RBM33: variants seen among roughly 807,000 people sequenced by gnomAD.
RBM33 encodes RNA binding motif protein 33.
In RBM33, 28 loss-of-function variants were observed where a neutral mutation model predicts 132.6. The observed-to-expected ratio is 0.21, with a 90% CI of 0.16 to 0.29. The LOEUF is 0.29. RBM33 is among the 10% of genes least tolerant of loss of function. RBM33 has a pLI of 1.00. For synonymous variants in RBM33, 634 were observed against 593.0 expected (o/e 1.07, Z -1.01); for missense variants, 1,291 against 1,518.5 (o/e 0.85, Z 2.49).
At chr7:155,729,465 A>G (rs1037422799) in intron 9 of RBM33, among the ~76,000 whole-genome samples, 4 of 152,180 alleles carry the variant, frequency 2.6e-5, no homozygotes, top group African/African-American at 9.7e-5. Flanking sequence ...GGCCAGATGC[A>G]GTGACTCACA....
chr7:155,770,821 G>A (rs1802403398), intron 16 of RBM33, among the ~76,000 whole-genome samples: 1 of 152,204 alleles, frequency 6.6e-6, no homozygotes, highest in South Asian at 2.1e-4. Context: ...ATGGGGAAAA[G>A]AGGCGGGTTC....
At chr7:155,677,747 A>G (rs975500016) in intron 3 of RBM33, among the ~76,000 whole-genome samples, 2 of 152,230 alleles carry the variant, frequency 1.3e-5, no homozygotes, top group Non-Finnish European at 2.9e-5. Flanking sequence ...TACCAGAAAA[A>G]GACTGCTTGT....
intron 1 of RBM33, among the ~76,000 whole-genome samples, chr7:155,650,850 T>C (rs1363615680): frequency 6.6e-6 from 1 of 152,204 alleles, no homozygotes; most frequent in African/African-American, 2.4e-5. Flanking sequence ...AGTTAAGCAA[T>C]GCCACAGCTT....
chr7:155,682,134 T>C (rs1799353852), intron 5 of RBM33, among the ~76,000 whole-genome samples: 1 of 152,214 alleles, frequency 6.6e-6, no homozygotes, highest in Non-Finnish European at 1.5e-5. Flanking sequence ...TTGCCCAAGC[T>C]GATCTCGAAC....
chr7:155,695,689 G>T (rs896549557), intron 5 of RBM33, among the ~76,000 whole-genome samples: 1 of 152,186 alleles, frequency 6.6e-6, no homozygotes, highest in Non-Finnish European at 1.5e-5. Flanking sequence ...TTGAACTCCT[G>T]ACCTCAAGTG....
intron 9 of RBM33, among the ~76,000 whole-genome samples, chr7:155,719,442 A>C (rs181822808): frequency 3.3e-5 from 5 of 152,270 alleles, no homozygotes; most frequent in Admixed American, 6.5e-5. Context: ...GGTTCAGAGT[A>C]TTTTATAGAA....
chr7:155,648,318 T>G (rs1798258321), intron 1 of RBM33, among the ~76,000 whole-genome samples: 1 of 152,184 alleles, frequency 6.6e-6, no homozygotes, highest in Admixed American at 6.5e-5. Flanking sequence ...TTGCTTTAAT[T>G]TACATTTGAT....
At position 155,700,777 on chromosome 7, in the gene RBM33, G is replaced by T. The variant is rs566610137; in HGVS notation, c.572G>T (p.Gly191Val). The T allele has an allele frequency of 6.4e-7, 1 of 1,560,142 alleles. No individual in the cohort carries two copies. Among genetic ancestry groups the T allele is most frequent in the Non-Finnish European group, 8.7e-7 (1 of 1,151,162 alleles). The change falls in exon 6 of 18, where the codon GGT becomes GTT. Residue 191 changes from glycine to valine, a missense_variant. Physicochemically the swap from Gly to Val is moderately radical, Grantham distance 109. Around this residue, in one of 7 missense-constraint regions of RBM33, gnomAD observed 194 missense variants for 249.8 expected, o/e 0.78. Coordinates refer to ENST00000401878, the MANE Select transcript of RBM33 (RefSeq NM_053043.3). ...CCTTGTGTATCTGCAATATAGGGAGGTATGGAAACATTGGAACTTCAAAAG... is the reference window on the plus strand; with the variant it reads ...CCTTGTGTATCTGCAATATAGGGAGTTATGGAAACATTGGAACTTCAAAAG... ...INEPLDEFTG[G>V]METLELQKDI...
chr7:155,686,446 T>TTCC (rs1799479567), intron 5 of RBM33, among the ~76,000 whole-genome samples: 1 of 152,124 alleles, frequency 6.6e-6, no homozygotes, highest in African/African-American at 2.4e-5. Context: ...TGCCTGTTAA[T>TTCC]TCCATGTCCT....
intron 9 of RBM33, among the ~76,000 whole-genome samples, chr7:155,735,826 T>TA (rs1178979504): frequency 6.6e-6 from 1 of 151,244 alleles, no homozygotes; most frequent in Non-Finnish European, 1.5e-5. Flanking sequence ...ATGTATATGA[T>TA]ATGTATTCTC....
chr7:155,772,051 A>G (rs1399246967), intron 16 of RBM33, among the ~76,000 whole-genome samples: 1 of 152,236 alleles, frequency 6.6e-6, no homozygotes, highest in Non-Finnish European at 1.5e-5. Flanking sequence ...AGGAATTTTT[A>G]TATTTTTAGA....
At position 155,686,389 on chromosome 7, in the gene RBM33, G is replaced by C. The variant is rs1026036330; in HGVS notation, c.567+5481G>C. Among the ~76,000 whole-genome samples, 3 of 152,176 alleles carry C rather than the reference G, an allele frequency of 2.0e-5. No homozygotes were observed. The East Asian group carries it at 5.8e-4, about 29-fold the overall frequency. ...AGAAGTAGACAGAAGACTGCGTGGA[G>C]ATCATTCCAGGTGGTAAATAGTTGA... On this transcript the variant is annotated intron_variant, in intron 5 of 17. Coordinates refer to ENST00000401878, the MANE Select transcript of RBM33 (RefSeq NM_053043.3).
intron 9 of RBM33, among the ~76,000 whole-genome samples, chr7:155,735,653 G>A (rs1054937809): frequency 1.3e-4 from 20 of 152,018 alleles, no homozygotes; most frequent in South Asian, 2.1e-4. Flanking sequence ...AGCTGATTGC[G>A]CCACTGCACT....
chr7:155,701,771 A>G (rs1799972483), intron 6 of RBM33, among the ~76,000 whole-genome samples: 1 of 151,986 alleles, frequency 6.6e-6, no homozygotes, highest in African/African-American at 2.4e-5. Flanking sequence ...CACAGCAACC[A>G]CCGCCTCCCA....
At chr7:155,689,805 A>C (rs888827529) in intron 5 of RBM33, among the ~76,000 whole-genome samples, 3 of 152,190 alleles carry the variant, frequency 2.0e-5, no homozygotes, top group African/African-American at 7.2e-5. Context: ...CTTAATCCTA[A>C]GTTCTAGTTT....
At chr7:155,663,243 A>G (rs934001127) in intron 1 of RBM33, among the ~76,000 whole-genome samples, 5 of 149,552 alleles carry the variant, frequency 3.3e-5, no homozygotes, top group Middle Eastern at 3.4e-3. Flanking sequence ...TCTGTTTGGT[A>G]ATTGTATTAG....
chr7:155,652,105 A>G (rs1442359988), intron 1 of RBM33, among the ~76,000 whole-genome samples: 2 of 152,212 alleles, frequency 1.3e-5, no homozygotes, highest in Admixed American at 6.5e-5. Flanking sequence ...GGATTTCCTC[A>G]TCTATAAAAT....
intron 9 of RBM33, among the ~76,000 whole-genome samples, chr7:155,725,902 A>G (rs562157775): frequency 1.2e-4 from 19 of 152,218 alleles, no homozygotes; most frequent in African/African-American, 3.9e-4. Flanking sequence ...ATATCAAAGT[A>G]CCCTCTAGGA....
At chr7:155,731,128 A>T (rs1800943339) in intron 9 of RBM33, among the ~76,000 whole-genome samples, 1 of 152,160 alleles carries the variant, frequency 6.6e-6, no homozygotes, top group Non-Finnish European at 1.5e-5. Flanking sequence ...CTCCGCTCAG[A>T]GTGGAGTGGA....
Sources: gnomAD v4.1 joint callset for allele counts (sites outside exome capture counted in the v4.1 genomes callset) on GRCh38, gnomAD v4.1.1 for gene constraint, gnomAD v4.1.1 regional missense constraint, MANE v1.5 for transcripts, NCBI Gene and HGNC (gene_info 2026-07-23, HGNC 2026-07-21) for gene names.